The following CNTN5 variants were observed in gnomAD, a reference collection of about 807,000 sequenced individuals.
The protein encoded by CNTN5 is contactin-5.
CNTN5 carries 77 observed loss-of-function variants against 129.1 expected under a neutral mutation model. That is an observed-to-expected ratio of 0.60 (90% CI 0.50 to 0.72). CNTN5 has a LOEUF of 0.72. Among genes scored for constraint, CNTN5 ranks in the 30% least tolerant of loss-of-function variants. The probability of loss-of-function intolerance (pLI) is 0.00; values close to 1 mark genes in which losing one functional copy is unlikely to be tolerated. For synonymous variants in CNTN5, 509 were observed against 465.6 expected, an observed-to-expected ratio of 1.09 and a Z score of -1.20; for missense variants, 1,478 against 1,328.8, an observed-to-expected ratio of 1.11 and a Z score of -1.75.
At chr11:99,730,699 A>G (rs961522471) in intron 3 of CNTN5, among the ~76,000 whole-genome samples, 2 of 152,234 alleles carry the variant, frequency 1.3e-5, no homozygotes, top group African/African-American at 2.4e-5. Flanking sequence ...ACATTTCTAC[A>G]TATTTACGGA....
intron 2 of CNTN5, among the ~76,000 whole-genome samples, chr11:99,435,785 T>TATAC (rs2135125544): frequency 6.6e-6 from 1 of 152,312 alleles, no homozygotes; most frequent in Non-Finnish European, 1.5e-5. Flanking sequence ...TGGAGAATCG[T>TATAC]ATACATAGAC....
intron 3 of CNTN5, among the ~76,000 whole-genome samples, chr11:99,628,627 C>CACACAG (rs1352407991): frequency 6.6e-6 from 1 of 151,282 alleles, no homozygotes; most frequent in African/African-American, 2.4e-5. Context: ...CACACACACA[C>CACACAG]ACACACACAC....
At chr11:99,484,807 C>T (rs1945745646) in intron 2 of CNTN5, among the ~76,000 whole-genome samples, 1 of 152,126 alleles carries the variant, frequency 6.6e-6, no homozygotes, top group Admixed American at 6.5e-5. Context: ...CACCTGTTCT[C>T]ATTCACATTC....
chr11:99,849,185 TA>T (rs1947796333), intron 6 of CNTN5, among the ~76,000 whole-genome samples: 1 of 151,594 alleles, frequency 6.6e-6, no homozygotes. Context: ...TACTAACAAT[TA>T]TTATACATAT....
At chr11:100,307,223 T>C (rs1040384116) in intron 20 of CNTN5, among the ~76,000 whole-genome samples, 1 of 151,606 alleles carries the variant, frequency 6.6e-6, no homozygotes, top group Non-Finnish European at 1.5e-5. Context: ...CTTTGCTATA[T>C]GGTTCCATAA....
At chr11:99,653,717 T>C (rs1952243040) in intron 3 of CNTN5, among the ~76,000 whole-genome samples, 1 of 152,104 alleles carries the variant, frequency 6.6e-6, no homozygotes, top group South Asian at 2.1e-4. Context: ...ACTTGCACTT[T>C]GAAAGCAATG....
At chr11:99,164,308 G>A (rs1161213351) in intron 1 of CNTN5, among the ~76,000 whole-genome samples, 2 of 127,434 alleles carry the variant, frequency 1.6e-5, no homozygotes, top group African/African-American at 6.1e-5. Context: ...GGGCAAGAGA[G>A]CAACACTCCA....
rs567722707 is a variant in CNTN5 at position 99,820,110 on chromosome 11, T to G, written c.277+345T>G. On this transcript the variant is annotated intron_variant, in intron 4 of 24. Transcript: ENST00000524871. Reference sequence around the variant, plus strand: ...TCCCAGGCCTTGAGACAGACACTACTGGGTTATAAAAATGACAAGAGCCTG... The same window carrying G: ...TCCCAGGCCTTGAGACAGACACTACGGGGTTATAAAAATGACAAGAGCCTG... Among the ~76,000 whole-genome samples the G allele has an allele frequency of 2.0e-5, 3 of 149,202 alleles. No individual in the cohort carries two copies. In the South Asian group the frequency reaches 6.3e-4, roughly 31 times the overall value.
intron 13 of CNTN5, among the ~76,000 whole-genome samples, chr11:100,162,706 C>T (rs2138369824): frequency 6.6e-6 from 1 of 151,966 alleles, no homozygotes; most frequent in Middle Eastern, 3.4e-3. Flanking sequence ...AACGAGAGAA[C>T]TGAAGAGTTG....
intron 2 of CNTN5, among the ~76,000 whole-genome samples, chr11:99,531,691 G>C (rs1161785479): frequency 6.6e-6 from 1 of 152,238 alleles, no homozygotes; most frequent in Non-Finnish European, 1.5e-5. Context: ...GCTGAAAGGG[G>C]CCAATGTACA....
intron 1 of CNTN5, among the ~76,000 whole-genome samples, chr11:99,138,839 A>C (rs1859365548): frequency 1.3e-5 from 2 of 152,200 alleles, no homozygotes; most frequent in Admixed American, 1.3e-4. Flanking sequence ...CAGAAAACAT[A>C]AATGAAGCTA....
chr11:99,316,261 G>A (rs1865337778), intron 1 of CNTN5, among the ~76,000 whole-genome samples: 1 of 152,150 alleles, frequency 6.6e-6, no homozygotes, highest in South Asian at 2.1e-4. Flanking sequence ...ATGGCAGGAA[G>A]TTTGTCAACA....
Position 99,306,746 on chromosome 11 carries a change from G to GATA in CNTN5, c.-209-18564_-209-18562dup, listed in dbSNP as rs3084742. ...AAGACTCCGTCTCAAAAATAATGATGATAATAATAATAATAATAATAATAA... is the reference window on the plus strand; with the variant it reads ...AAGACTCCGTCTCAAAAATAATGATGATAATAATAATAATAATAATAATAATAA... On this transcript the variant is annotated intron_variant, in intron 1 of 24. Transcript: ENST00000524871. Among the ~76,000 whole-genome samples the GATA allele has an allele frequency of 5.9e-3, 863 of 147,012 alleles. 8 individuals are homozygous for GATA. The highest frequency in any genetic ancestry group is 0.015 in the African/African-American group (593 of 40,122).
At chr11:100,186,322 C>G (rs536777284) in intron 13 of CNTN5, among the ~76,000 whole-genome samples, 1 of 152,152 alleles carries the variant, frequency 6.6e-6, no homozygotes, top group Non-Finnish European at 1.5e-5. Flanking sequence ...CTGCACTGAG[C>G]CATGACTGTA....
intron 2 of CNTN5, among the ~76,000 whole-genome samples, chr11:99,391,528 T>C (rs552334719): frequency 2.0e-5 from 3 of 152,278 alleles, no homozygotes; most frequent in African/African-American, 7.2e-5. Context: ...CGCTAAGATA[T>C]ATACAGCATT....
intron 13 of CNTN5, among the ~76,000 whole-genome samples, chr11:100,092,688 G>A (rs551143131): frequency 1.0e-3 from 157 of 152,226 alleles, no homozygotes; most frequent in African/African-American, 3.3e-3. Context: ...TATAAATCAT[G>A]TGTGGAATAG....
intron 3 of CNTN5, among the ~76,000 whole-genome samples, chr11:99,577,844 A>AT (rs778051757): frequency 0.026 from 3,877 of 150,248 alleles, 81 homozygotes; most frequent in Non-Finnish European, 0.039. Flanking sequence ...TATTATTATT[A>AT]TACTTTAAGT....
intron 16 of CNTN5, among the ~76,000 whole-genome samples, chr11:100,239,597 C>G (rs2098906859): frequency 6.6e-6 from 1 of 152,018 alleles, no homozygotes; most frequent in South Asian, 2.1e-4. Context: ...AGTAGAAAGC[C>G]TTTCAAAACA....
At chr11:99,367,202 T>C (rs564562820) in intron 2 of CNTN5, among the ~76,000 whole-genome samples, 2 of 152,280 alleles carry the variant, frequency 1.3e-5, no homozygotes, top group East Asian at 3.9e-4. Flanking sequence ...AGAACCTGCC[T>C]TGTCACTCAA....
Sources: allele counts gnomAD v4.1 joint callset (sites outside exome capture counted in the v4.1 genomes callset), GRCh38; gene constraint gnomAD v4.1.1; transcripts MANE v1.5; gene names NCBI Gene and HGNC (gene_info 2026-07-23, HGNC 2026-07-21).